TNFSF4: variants seen among roughly 807,000 people sequenced by gnomAD.
TNFSF4 encodes tumor necrosis factor ligand superfamily member 4.
TNFSF4 carries 4 observed loss-of-function variants against 7.3 expected under a neutral mutation model. That is an observed-to-expected ratio of 0.55 (90% CI 0.27 to 1.25). The LOEUF (loss-of-function observed/expected upper bound fraction) is 1.25. Ranked by LOEUF, TNFSF4 falls within the 50% of genes most tolerant of loss-of-function variation. The pLI, the probability that TNFSF4 is intolerant of heterozygous loss-of-function variation, is 0.12. For missense variants in TNFSF4, 181 were observed against 208.8 expected, an observed-to-expected ratio of 0.87 and a Z score of 0.82; for synonymous variants, 76 against 83.7, an observed-to-expected ratio of 0.91 and a Z score of 0.50.
the TNFSF4 span, among the ~76,000 whole-genome samples, chr1:173,223,126 TTATC>T: frequency 6.6e-6 from 1 of 152,186 alleles, no homozygotes; most frequent in Non-Finnish European, 1.5e-5. Flanking sequence ...ACTGGGCAAA[TTATC>T]TAACTTTTTT....
the TNFSF4 span, among the ~76,000 whole-genome samples, chr1:173,243,146 G>A: frequency 1.3e-5 from 2 of 151,860 alleles, no homozygotes; most frequent in Non-Finnish European, 2.9e-5. Context: ...CTCACAAGAT[G>A]GTAGTTCCCC....
the TNFSF4 span, chr1:173,351,860 T>A: frequency 1.7e-6 from 1 of 596,510 alleles, no homozygotes; most frequent in Non-Finnish European, 3.1e-6. Flanking sequence ...CAACTGTCCA[T>A]GTAGGCATTC....
At chr1:173,332,982 T>C in the TNFSF4 span, among the ~76,000 whole-genome samples, 4 of 152,250 alleles carry the variant, frequency 2.6e-5, no homozygotes, top group Non-Finnish European at 5.9e-5. Flanking sequence ...TAGAATTTAG[T>C]AAATGACACA....
At chr1:173,342,938 T>C in the TNFSF4 span, among the ~76,000 whole-genome samples, 2 of 152,198 alleles carry the variant, frequency 1.3e-5, no homozygotes, top group African/African-American at 4.8e-5. Flanking sequence ...AACATGCTTC[T>C]TTCCCCTTAG....
the TNFSF4 span, among the ~76,000 whole-genome samples, chr1:173,308,059 G>A: frequency 6.6e-6 from 1 of 151,730 alleles, no homozygotes; most frequent in Non-Finnish European, 1.5e-5. Context: ...TTTGAATTGG[G>A]TTGTCTGTCT....
At chr1:173,246,108 A>G in the TNFSF4 span, among the ~76,000 whole-genome samples, 323 of 152,196 alleles carry the variant, frequency 2.1e-3, 1 homozygote, top group Non-Finnish European at 3.6e-3. Context: ...GAATTGCTGG[A>G]TCTTATTTAG....
At chr1:173,429,595 G>C in the TNFSF4 span, among the ~76,000 whole-genome samples, 4 of 152,206 alleles carry the variant, frequency 2.6e-5, no homozygotes, top group Admixed American at 6.5e-5. Flanking sequence ...CACAGGCTAC[G>C]CCACAACCTC....
At chr1:173,240,769 A>G in the TNFSF4 span, among the ~76,000 whole-genome samples, 4 of 152,338 alleles carry the variant, frequency 2.6e-5, no homozygotes, top group Admixed American at 2.0e-4. Context: ...ACTGCAGAAT[A>G]GCTGTACCTG....
chr1:173,283,543 C>G, the TNFSF4 span, among the ~76,000 whole-genome samples: 1 of 152,102 alleles, frequency 6.6e-6, no homozygotes, highest in African/African-American at 2.4e-5. Flanking sequence ...GAAGAGCACT[C>G]TCAATCTATG....
chr1:173,257,597 TAA>T, the TNFSF4 span, among the ~76,000 whole-genome samples: 2 of 152,244 alleles, frequency 1.3e-5, no homozygotes, highest in African/African-American at 4.8e-5. Flanking sequence ...TATTTATTTT[TAA>T]AGTTTTATTA....
At chr1:173,314,750 C>G in the TNFSF4 span, among the ~76,000 whole-genome samples, 1 of 152,242 alleles carries the variant, frequency 6.6e-6, no homozygotes, top group African/African-American at 2.4e-5. Context: ...TTCTTTGCAT[C>G]ATGATGTAAT....
chr1:173,230,470 G>T, the TNFSF4 span, among the ~76,000 whole-genome samples: 1 of 152,200 alleles, frequency 6.6e-6, no homozygotes, highest in Admixed American at 6.5e-5. Flanking sequence ...GCTCACAAGA[G>T]AAAGCAGGAA....
the TNFSF4 span, among the ~76,000 whole-genome samples, chr1:173,355,371 G>A: frequency 6.6e-6 from 1 of 152,234 alleles, no homozygotes; most frequent in Non-Finnish European, 1.5e-5. Context: ...GGGTCGGGGA[G>A]CATTATCTTG....
At chr1:173,388,725 A>G in the TNFSF4 span, among the ~76,000 whole-genome samples, 1 of 152,252 alleles carries the variant, frequency 6.6e-6, no homozygotes, top group South Asian at 2.1e-4. Flanking sequence ...ATTATTTTTC[A>G]TGTAAAATGT....
At chr1:173,279,443 A>G in the TNFSF4 span, among the ~76,000 whole-genome samples, 1 of 151,944 alleles carries the variant, frequency 6.6e-6, no homozygotes, top group South Asian at 2.1e-4. Flanking sequence ...TATGTTGTTA[A>G]AAACCCCAAT....
At chr1:173,300,126 G>A in the TNFSF4 span, among the ~76,000 whole-genome samples, 1 of 146,970 alleles carries the variant, frequency 6.8e-6, no homozygotes, top group African/African-American at 2.6e-5. Context: ...TAGATAGATA[G>A]ATAGATAGAT....
At chr1:173,446,182 G>A in the TNFSF4 span, among the ~76,000 whole-genome samples, 10 of 151,352 alleles carry the variant, frequency 6.6e-5, no homozygotes, top group South Asian at 2.1e-4. Flanking sequence ...GGCAACTATC[G>A]TAACTATGCT....
the TNFSF4 span, among the ~76,000 whole-genome samples, chr1:173,231,817 T>G: frequency 6.6e-6 from 1 of 151,990 alleles, no homozygotes; most frequent in East Asian, 1.9e-4. Context: ...TATACACCAA[T>G]AACAGACAAT....
At chr1:173,283,597 A>G in the TNFSF4 span, among the ~76,000 whole-genome samples, 48 of 152,286 alleles carry the variant, frequency 3.2e-4, 2 homozygotes, top group East Asian at 9.1e-3. Flanking sequence ...TTACAAAAAC[A>G]AAGGCAAAAT....
Sources: allele counts gnomAD v4.1 joint callset (sites outside exome capture counted in the v4.1 genomes callset), GRCh38; gene constraint gnomAD v4.1.1; transcripts MANE v1.5; gene names NCBI Gene and HGNC (gene_info 2026-07-23, HGNC 2026-07-21).